The following PDZRN3 variants were observed in gnomAD, a reference collection of about 807,000 sequenced individuals.
The protein encoded by PDZRN3 is PDZ domain containing ring finger 3.
A neutral mutation model predicts 85.7 loss-of-function variants in PDZRN3; 38 were observed. The ratio of observed to expected loss-of-function variants is 0.44; its 90% CI spans 0.34 to 0.58. The LOEUF is 0.58. Among genes scored for constraint, PDZRN3 ranks in the 20% least tolerant of loss-of-function variants. PDZRN3 has a pLI of 0.01. For missense variants in PDZRN3, 1,629 were observed against 1,506.4 expected (o/e 1.08, Z -1.35); for synonymous variants, 759 against 638.0 (o/e 1.19, Z -2.86).
chr3:73,492,984 CTTTT>C (rs5850113), intron 3 of PDZRN3, among the ~76,000 whole-genome samples: 2 of 104,042 alleles, frequency 1.9e-5, no homozygotes, highest in Non-Finnish European at 3.8e-5. Context: ...GCTTTTCAAC[CTTTT>C]TTTTTTTTTT....
At chr3:73,605,034 A>G (rs1310562868) in intron 2 of PDZRN3, among the ~76,000 whole-genome samples, 1 of 152,126 alleles carries the variant, frequency 6.6e-6, no homozygotes, top group Admixed American at 6.5e-5. Context: ...CAGCCTGAAC[A>G]ACATGGTGAA....
chr3:73,571,266 C>T (rs1029258444), intron 3 of PDZRN3, among the ~76,000 whole-genome samples: 14 of 151,968 alleles, frequency 9.2e-5, no homozygotes, highest in Admixed American at 2.6e-4. Flanking sequence ...CTTTTTTCTC[C>T]ATATCCAGTG....
intron 5 of PDZRN3, among the ~76,000 whole-genome samples, chr3:73,399,203 A>G (rs1332933353): frequency 3.3e-5 from 5 of 152,248 alleles, no homozygotes; most frequent in African/African-American, 7.2e-5. Context: ...CTACTACTTC[A>G]TAACTCTAGC....
Position 73,383,194 on chromosome 3 carries a change from C to T in PDZRN3, c.*171G>A. On this transcript the variant is annotated 3_prime_UTR_variant, in exon 10 of 10. Coordinates refer to ENST00000263666, the MANE Select transcript of PDZRN3 (RefSeq NM_015009.3). The stretch of plus-strand genomic sequence containing the variant: ...AGATAGTAAGGGTGTTTTTCTCTCT[C>T]TTCCCTTAAAATAGACCTATGACAC... 1 of 566,230 alleles carries T rather than the reference C, an allele frequency of 1.8e-6. No homozygotes were observed. The allele number at this position is 566,230 out of a possible 1,614,324, so 35.1% of individuals were successfully genotyped here.
Position 73,624,185 on chromosome 3 carries a change from A to T in PDZRN3, c.641T>A (p.Leu214Gln). Residue 214 changes from leucine (L) to glutamine (Q), a missense_variant, in exon 1 of 10, where the codon CTG (leucine) becomes CAG (glutamine). Leu to Gln is a moderately radical substitution (Grantham distance 113). Coordinates refer to ENST00000263666, the MANE Select transcript of PDZRN3 (RefSeq NM_015009.3). ...TTCGGTGAATTTCTTCTGGTAGCGCAGCGCGGTCATCTGCAGCTCAAGCTG... is the reference window on the plus strand; with the variant it reads ...TTCGGTGAATTTCTTCTGGTAGCGCTGCGCGGTCATCTGCAGCTCAAGCTG... The part of the protein sequence containing the change: ...AAQLELQMTA[L>Q]RYQKKFTEYS... 1 of 1,502,532 alleles carries T rather than the reference A, an allele frequency of 6.7e-7. No individual in the cohort carries two copies. Among genetic ancestry groups the T allele is most frequent in the Non-Finnish European group, 8.8e-7 (1 of 1,131,096 alleles). The allele number at this position is 1,502,532 out of a possible 1,614,324, so 93.1% of individuals were successfully genotyped here. A position where few individuals can be genotyped will look rare whatever the true frequency, so the allele number is the denominator to read the frequency against.
At chr3:73,468,981 T>C (rs754670880) in intron 3 of PDZRN3, among the ~76,000 whole-genome samples, 5 of 152,174 alleles carry the variant, frequency 3.3e-5, no homozygotes, top group Non-Finnish European at 5.9e-5. Flanking sequence ...TCAAGTAATA[T>C]TGGCTCCTAT....
chr3:73,384,351 C>A lies in PDZRN3; in HGVS notation c.2215G>T (p.Glu739Ter). Residue 739 changes from glutamate to a stop codon, truncating the protein, a stop_gained, in exon 10 of 10, where the codon GAG (glutamate) becomes TAG (stop). Coordinates refer to ENST00000263666, the MANE Select transcript of PDZRN3 (RefSeq NM_015009.3). LOFTEE classifies it high-confidence loss of function. Reference protein sequence around the residue: ...YNTSIDVRRHELSDITELPEK... With the variant: ...YNTSIDVRRH ...GGGAGCTCGGTGATATCTGAGAGCT[C>A]GTGTCTGCGCACGTCGATGCTGGTG... 6.2e-7 allele frequency: 1 copy of A among 1,609,978 alleles called. No homozygotes were observed. Among genetic ancestry groups the A allele is most frequent in the Non-Finnish European group, 8.5e-7 (1 of 1,179,968 alleles).
At position 73,383,414 on chromosome 3, in the gene PDZRN3, G is replaced by A. The variant is rs145452940; in HGVS notation, c.3152C>T (p.Pro1051Leu). The change falls in exon 10 of 10, where the codon CCG (proline) becomes CTG (leucine). Residue 1051 changes from proline to leucine, a missense_variant. Physicochemically the swap from Pro to Leu is moderately conservative, Grantham distance 98. Transcript: ENST00000263666. ...GGAATTGTATACTCTAGTGCCGTCC[G>A]GGGATTTTGTGCCGTGGGTTAAGAG... The part of the protein sequence containing the change: ...QELLTHGTKS[P>L]DGTRVYNSFL... The A allele has an allele frequency of 6.3e-4, 1,023 of 1,613,856 alleles. No individual in the cohort carries two copies. The highest frequency in any genetic ancestry group is 6.3e-4 in the Non-Finnish European group (749 of 1,179,752).
At chr3:73,597,390 A>G (rs559351265) in intron 3 of PDZRN3, among the ~76,000 whole-genome samples, 14 of 152,334 alleles carry the variant, frequency 9.2e-5, no homozygotes, top group African/African-American at 3.1e-4. Context: ...CTGTAATCAT[A>G]TCCTCGGGTC....
chr3:73,533,009 C>G (rs952249772), intron 3 of PDZRN3, among the ~76,000 whole-genome samples: 1 of 152,238 alleles, frequency 6.6e-6, no homozygotes, highest in Non-Finnish European at 1.5e-5. Context: ...AAAGGCAAAC[C>G]TAGAAACTCT....
chr3:73,486,031 C>T (rs572054701), intron 3 of PDZRN3, among the ~76,000 whole-genome samples: 2 of 152,316 alleles, frequency 1.3e-5, no homozygotes, highest in East Asian at 1.9e-4. Context: ...GCATGGAATG[C>T]GGCTGAGCAG....
chr3:73,491,644 G>A (rs890822419), intron 3 of PDZRN3, among the ~76,000 whole-genome samples: 2 of 133,226 alleles, frequency 1.5e-5, no homozygotes, highest in Non-Finnish European at 3.1e-5. Flanking sequence ...TGTTGCCCAG[G>A]CTGGAGTGCA....
intron 3 of PDZRN3, among the ~76,000 whole-genome samples, chr3:73,481,703 A>T (rs944582843): frequency 7.9e-5 from 12 of 152,228 alleles, no homozygotes; most frequent in African/African-American, 2.4e-4. Flanking sequence ...TGAGCAGCAA[A>T]CCTCTTACTC....
chr3:73,526,633 G>A (rs774792908), intron 3 of PDZRN3, among the ~76,000 whole-genome samples: 4 of 152,196 alleles, frequency 2.6e-5, no homozygotes, highest in Non-Finnish European at 5.9e-5. Flanking sequence ...TGGAGAATGT[G>A]CATATTCTCT....
intron 3 of PDZRN3, among the ~76,000 whole-genome samples, chr3:73,430,717 C>A (rs1216272604): frequency 1.3e-5 from 2 of 152,306 alleles, no homozygotes; most frequent in East Asian, 3.9e-4. Context: ...CACCTGGTAA[C>A]CACCCTTAGC....
intron 1 of PDZRN3, among the ~76,000 whole-genome samples, chr3:73,613,329 T>C (rs986532127): frequency 3.3e-5 from 5 of 151,630 alleles, no homozygotes; most frequent in African/African-American, 9.7e-5. Context: ...GAAGGGGAAA[T>C]CACATACATA....
At chr3:73,619,686 G>T (rs1702821882) in intron 1 of PDZRN3, among the ~76,000 whole-genome samples, 1 of 152,204 alleles carries the variant, frequency 6.6e-6, no homozygotes, top group South Asian at 2.1e-4. Flanking sequence ...GACATGAGAA[G>T]CTGAAAGAAG....
At chr3:73,460,298 A>G (rs1332695005) in intron 3 of PDZRN3, among the ~76,000 whole-genome samples, 1 of 152,218 alleles carries the variant, frequency 6.6e-6, no homozygotes, top group African/African-American at 2.4e-5. Flanking sequence ...ATCACTACCT[A>G]TGCTAACATT....
chr3:73,553,754 G>A (rs1237426493), intron 3 of PDZRN3, among the ~76,000 whole-genome samples: 2 of 152,152 alleles, frequency 1.3e-5, no homozygotes, highest in Non-Finnish European at 2.9e-5. Context: ...AATACAGGCT[G>A]GAGGAGTAGG....
Sources: gnomAD v4.1 joint callset for allele counts (sites outside exome capture counted in the v4.1 genomes callset) on GRCh38, gnomAD v4.1.1 for gene constraint, MANE v1.5 for transcripts, NCBI Gene and HGNC (gene_info 2026-07-23, HGNC 2026-07-21) for gene names.